Variants in COPE observed in about 807,000 individuals in gnomAD.
The protein encoded by COPE is coatomer subunit epsilon.
COPE carries 19 observed loss-of-function variants against 42.1 expected under a neutral mutation model. That is an observed-to-expected ratio of 0.45 (90% CI 0.31 to 0.66). The LOEUF is 0.66. Ranked by LOEUF, COPE falls within the 30% of genes least tolerant of loss-of-function variation. COPE has a pLI of 0.05. For missense variants in COPE, 402 were observed against 416.1 expected, an observed-to-expected ratio of 0.97 and a Z score of 0.30; for synonymous variants, 195 against 181.3, an observed-to-expected ratio of 1.08 and a Z score of -0.60.
chr19:18,899,823 C>T (rs1429208430), intron 9 of COPE, 50 bp downstream of exon 9: 1 of 1,611,074 alleles, frequency 6.2e-7, no homozygotes, highest in Non-Finnish European at 8.5e-7. Context: ...GGCTGAGCTC[C>T]AGGCGCCCCC....
intron 3 of COPE, among the ~76,000 whole-genome samples, chr19:18,907,394 C>T (rs1568318507): frequency 1.3e-5 from 2 of 152,332 alleles, no homozygotes; most frequent in East Asian, 3.9e-4. Context: ...CAACCTCACC[C>T]GCCTTCCTGA....
At chr19:18,914,834 A>G (rs1482752063) in intron 1 of COPE, among the ~76,000 whole-genome samples, 2 of 142,902 alleles carry the variant, frequency 1.4e-5, no homozygotes, top group African/African-American at 5.3e-5. Context: ...TCGGCTCACT[A>G]CAACCTCTGC....
chr19:18,899,644 C>A lies in COPE; in HGVS notation c.*35G>T, dbSNP rs753296377. 2 of 1,612,950 alleles carry A rather than the reference C, an allele frequency of 1.2e-6. No homozygotes were observed. The highest frequency in any genetic ancestry group is 8.5e-7 in the Non-Finnish European group (1 of 1,179,748). ...TGCAGGGCTGGCTCCTGGCCTCTGTCCTGGCTTCATGGTCCTGACAGCTCT... is the reference window on the plus strand; with the variant it reads ...TGCAGGGCTGGCTCCTGGCCTCTGTACTGGCTTCATGGTCCTGACAGCTCT... On this transcript the variant is annotated 3_prime_UTR_variant, in exon 10 of 10. Transcript: ENST00000262812.
Position 18,906,879 on chromosome 19 carries a change from A to G in COPE, c.443+81T>C, listed in dbSNP as rs2056764543. ...TTTCTCTGCTCCCATGACGACAGCC[A>G]GCGAGGCCGTGCGCAGCCTGGAGAT... is the stretch of plus-strand genomic sequence containing the variant. On this transcript the variant is annotated intron_variant, in intron 4 of 9. Coordinates refer to ENST00000262812, the MANE Select transcript of COPE (RefSeq NM_007263.4). 2.8e-6 allele frequency: 4 copies of G among 1,435,956 alleles called. 1 individual carries two copies. The highest frequency in any genetic ancestry group is 2.4e-5 in the Admixed American group (1 of 42,136). 89.0% of individuals were successfully genotyped at this position (1,435,956 alleles called of 1,614,324 possible). A position where few individuals can be genotyped will look rare whatever the true frequency, so the allele number is the denominator to read the frequency against.
intron 3 of COPE, among the ~76,000 whole-genome samples, chr19:18,910,229 C>T (rs2056797065): frequency 1.3e-5 from 2 of 152,212 alleles, no homozygotes; most frequent in South Asian, 4.1e-4. Context: ...CAACGCTGGC[C>T]TGTGGCTCAG....
rs72129364 is a variant in COPE at position 18,911,555 on chromosome 19, A to AT, written c.190-485dup. ...TTCCCTCCTAGATGGTTCCTTCCCCATTTTTTTTTTTTTCGAGACGGAGTC... is the reference window on the plus strand; with the variant it reads ...TTCCCTCCTAGATGGTTCCTTCCCCATTTTTTTTTTTTTTCGAGACGGAGTC... On this transcript the variant is annotated intron_variant, in intron 2 of 9. Coordinates refer to ENST00000262812, the MANE Select transcript of COPE (RefSeq NM_007263.4). 2.7e-3 allele frequency among the ~76,000 whole-genome samples: 378 copies of AT among 139,660 alleles called. 2 individuals are homozygous for AT. The highest frequency in any genetic ancestry group is 7.6e-3 in the African/African-American group (296 of 39,016). 91.6% of individuals were successfully genotyped at this position (139,660 alleles called of 152,430 possible).
In COPE at chr19:18,919,333, G is replaced by A. The variant is rs199876414; in HGVS notation, c.16C>T (p.Pro6Ser). 6.2e-7 allele frequency: 1 copy of A among 1,613,594 alleles called. No individual in the cohort carries two copies. Among genetic ancestry groups the A allele is most frequent in the African/African-American group, 1.3e-5 (1 of 74,962 alleles). ...CCGGAGCCGCCGGAGGCCGGGCCGG[G>A]GGCCGGAGGCGCCATTTCGCTGTCT... MAPPA[P>S]GPASGGSGEV... is the part of the protein sequence containing the mutation. The change falls in exon 1 of 10, where the codon CCC becomes TCC. Residue 6 changes from proline to serine, a missense_variant. Coordinates refer to ENST00000262812, the MANE Select transcript of COPE (RefSeq NM_007263.4).
At chr19:18,917,456 C>T (rs1009689590) in intron 1 of COPE, among the ~76,000 whole-genome samples, 3 of 151,892 alleles carry the variant, frequency 2.0e-5, no homozygotes, top group Non-Finnish European at 2.9e-5. Flanking sequence ...GCAACCTCCA[C>T]CTCCTGGGTT....
chr19:18,905,748 C>T (rs1300977053), intron 4 of COPE, 119 bp from the exon 5 acceptor site: 2 of 935,310 alleles, frequency 2.1e-6, no homozygotes, highest in Non-Finnish European at 3.2e-6. Context: ...CTTAGGACCA[C>T]CAGCCCCGCC....
intron 6 of COPE, 98 bp downstream of exon 6, chr19:18,904,673 C>G (rs1023713078): frequency 2.8e-6 from 3 of 1,061,156 alleles, no homozygotes; most frequent in Admixed American, 2.1e-5. Flanking sequence ...TGGAGCCCCA[C>G]TGGAGTGGCC....
At chr19:18,901,307 G>T (rs1657130414) in intron 7 of COPE, among the ~76,000 whole-genome samples, 1 of 152,278 alleles carries the variant, frequency 6.6e-6, no homozygotes, top group Admixed American at 6.5e-5. Flanking sequence ...GCCCCCAGAG[G>T]ATGCGGCCAT....
At chr19:18,918,757 G>A (rs2056882387) in intron 1 of COPE, among the ~76,000 whole-genome samples, 1 of 152,122 alleles carries the variant, frequency 6.6e-6, no homozygotes, top group Non-Finnish European at 1.5e-5. Context: ...TGAGTCCAGC[G>A]GAATACAGTG....
rs1462616636 is a variant in COPE, at chr19:18,919,313, G to T, written c.36C>A (p.Gly12=). ...APPAPGPASG[G]SGEVDELFDV... is the part of the protein sequence containing the mutation. ...CGAACAGCTCGTCTACCTCCCCGGA[G>T]CCGCCGGAGGCCGGGCCGGGGGCCG... The change falls in exon 1 of 10, where the codon GGC becomes GGA. Residue 12 remains glycine (G), a synonymous_variant. Transcript: ENST00000262812. 3.1e-6 allele frequency: 5 copies of T among 1,613,486 alleles called. No individual in the cohort carries two copies. In the East Asian group the frequency reaches 1.1e-4, roughly 36 times the overall value.
At chr19:18,913,748 G>T (rs1411036170) in intron 1 of COPE, among the ~76,000 whole-genome samples, 1 of 152,188 alleles carries the variant, frequency 6.6e-6, no homozygotes, top group African/African-American at 2.4e-5. Context: ...GCTTCGAGAG[G>T]AAAGTACAGT....
chr19:18,904,295 A>C (rs2056737593), intron 6 of COPE, among the ~76,000 whole-genome samples: 1 of 152,248 alleles, frequency 6.6e-6, no homozygotes, highest in African/African-American at 2.4e-5. Context: ...CCCACACAAA[A>C]GAGTGGCTCA....
intron 1 of COPE, among the ~76,000 whole-genome samples, chr19:18,917,064 T>C (rs2056859899): frequency 6.6e-6 from 1 of 151,826 alleles, no homozygotes; most frequent in Admixed American, 6.6e-5. Flanking sequence ...GGGAGGATAC[T>C]TCCCTGCCTC....
rs2056764490 is a variant in COPE, at chr19:18,906,877, C to G, written c.443+83G>C. On this transcript the variant is annotated intron_variant, in intron 4 of 9. Coordinates refer to ENST00000262812, the MANE Select transcript of COPE (RefSeq NM_007263.4). ...CCTTTCTCTGCTCCCATGACGACAG[C>G]CAGCGAGGCCGTGCGCAGCCTGGAG... The G allele has an allele frequency of 5.6e-6, 8 of 1,425,994 alleles. No individual in the cohort carries two copies. In the Admixed American group the frequency reaches 1.5e-4, roughly 26 times the overall value. The allele number at this position is 1,425,994 out of a possible 1,614,324, so 88.3% of individuals were successfully genotyped here.
rs767514913 is a variant in COPE, at chr19:18,919,330, C to A, written c.19G>T (p.Gly7Cys). 1.9e-6 allele frequency: 3 copies of A among 1,613,526 alleles called. No individual in the cohort carries two copies. The East Asian group carries it at 6.7e-5, about 36-fold the overall frequency. The change falls in exon 1 of 10, where the codon GGC becomes TGC. Residue 7 changes from glycine to cysteine, a missense_variant. Gly to Cys is a radical substitution (Grantham distance 159). Transcript: ENST00000262812. MAPPAP[G>C]PASGGSGEVD... is the part of the protein sequence containing the mutation. Reference sequence around the variant, plus strand: ...TCCCCGGAGCCGCCGGAGGCCGGGCCGGGGGCCGGAGGCGCCATTTCGCTG... The same window carrying A: ...TCCCCGGAGCCGCCGGAGGCCGGGCAGGGGGCCGGAGGCGCCATTTCGCTG...
intron 7 of COPE, among the ~76,000 whole-genome samples, chr19:18,902,714 GGAA>G (rs2056712630): frequency 7.1e-5 from 2 of 28,110 alleles, no homozygotes; most frequent in Non-Finnish European, 1.4e-4. Flanking sequence ...AGGAAAGGAA[GGAA>G]AGGAAAGGAA....
Sources: gnomAD v4.1 joint callset for allele counts (sites outside exome capture counted in the v4.1 genomes callset) on GRCh38, gnomAD v4.1.1 for gene constraint, MANE v1.5 for transcripts, NCBI Gene and HGNC (gene_info 2026-07-23, HGNC 2026-07-21) for gene names.